ELAVL4: variants seen among roughly 807,000 people sequenced by gnomAD.
ELAVL4 encodes the protein ELAV like RNA binding protein 4, also known as ELAV-like protein 4.
A neutral mutation model predicts 35.6 loss-of-function variants in ELAVL4; 1 was observed. That is an observed-to-expected ratio of 0.03 (90% CI 0.01 to 0.13). ELAVL4 has a LOEUF of 0.13. Among genes scored for constraint, ELAVL4 ranks in the 10% least tolerant of loss-of-function variants. ELAVL4 has a pLI of 1.00. For missense variants in ELAVL4, 267 were observed against 464.9 expected (o/e 0.57, Z 3.91); for synonymous variants, 156 against 171.0 (o/e 0.91, Z 0.69).
intron 1 of ELAVL4, among the ~76,000 whole-genome samples, chr1:50,056,718 C>T (rs1403651693): frequency 2.0e-5 from 3 of 152,164 alleles, no homozygotes; most frequent in South Asian, 2.1e-4. Flanking sequence ...AGGCGGATCA[C>T]GAGGTCAGAT....
At chr1:50,127,821 T>C (rs1670200220) in intron 1 of ELAVL4, among the ~76,000 whole-genome samples, 1 of 152,188 alleles carries the variant, frequency 6.6e-6, no homozygotes, top group Non-Finnish European at 1.5e-5. Context: ...TAGTGACTGT[T>C]TTCTTAACTA....
chr1:50,062,060 A>G (rs1664008984), intron 1 of ELAVL4, among the ~76,000 whole-genome samples: 1 of 152,152 alleles, frequency 6.6e-6, no homozygotes, highest in Admixed American at 6.5e-5. Context: ...AGTGTTCTTC[A>G]TCATGTTTTT....
chr1:50,082,799 C>T lies in ELAVL4; in HGVS notation c.18+34617C>T, dbSNP rs142644877. On this transcript the variant is annotated intron_variant, in intron 1 of 6. Transcript: ENST00000448907. ...AGGCATTTGATCTATAACTATGGAA[C>T]AGACTTTCTTTCCTGTCTCCTTTCC... Among the ~76,000 whole-genome samples the T allele has an allele frequency of 1.4e-3, 206 of 152,268 alleles. 1 individual carries two copies. Among genetic ancestry groups the T allele is most frequent in the African/African-American group, 4.3e-3 (178 of 41,554 alleles).
At chr1:50,150,523 G>A (rs1403885687) in intron 2 of ELAVL4, among the ~76,000 whole-genome samples, 1 of 152,184 alleles carries the variant, frequency 6.6e-6, no homozygotes, top group Non-Finnish European at 1.5e-5. Context: ...CTCAGTAGGT[G>A]AGATGTGGGA....
intron 1 of ELAVL4, among the ~76,000 whole-genome samples, chr1:50,131,194 T>G (rs934721572): frequency 2.0e-5 from 3 of 152,162 alleles, no homozygotes; most frequent in African/African-American, 7.2e-5. Context: ...AGGGACATAG[T>G]AAATTAATTC....
At chr1:50,169,086 C>A (rs1678522375) in intron 2 of ELAVL4, among the ~76,000 whole-genome samples, 1 of 151,924 alleles carries the variant, frequency 6.6e-6, no homozygotes, top group Non-Finnish European at 1.5e-5. Flanking sequence ...GAGAGCCAGT[C>A]TGAGTCAAAG....
chr1:50,108,227 C>T (rs956437828), upstream of ELAVL4, among the ~76,000 whole-genome samples: 2 of 152,096 alleles, frequency 1.3e-5, no homozygotes, highest in African/African-American at 2.4e-5. Flanking sequence ...CCTCCCTTAC[C>T]CCCACCATTT....
intron 1 of ELAVL4, chr1:50,115,235 C>G (rs1667751246): frequency 6.6e-6 from 1 of 152,044 alleles, no homozygotes; most frequent in Non-Finnish European, 1.5e-5. Context: ...AATAAAGATC[C>G]CCCTCTACAA....
intron 1 of ELAVL4, among the ~76,000 whole-genome samples, chr1:50,120,935 G>T (rs979912898): frequency 1.3e-5 from 2 of 152,134 alleles, no homozygotes; most frequent in African/African-American, 4.8e-5. Context: ...GTATAAAAAT[G>T]TACCCACTTC....
chr1:50,169,808 A>C (rs1323434561), intron 2 of ELAVL4, among the ~76,000 whole-genome samples: 3 of 152,186 alleles, frequency 2.0e-5, no homozygotes, highest in Admixed American at 6.6e-5. Flanking sequence ...AATCAATTTC[A>C]ACTTCCTCTC....
intron 2 of ELAVL4, among the ~76,000 whole-genome samples, chr1:50,148,375 A>AAGAC (rs1161460125): frequency 6.6e-6 from 1 of 152,188 alleles, no homozygotes; most frequent in Admixed American, 6.5e-5. Flanking sequence ...GGCTTTAAAC[A>AAGAC]AGACTCATGT....
chr1:50,178,356 C>T (rs1314579004), intron 3 of ELAVL4, among the ~76,000 whole-genome samples: 1 of 152,230 alleles, frequency 6.6e-6, no homozygotes, highest in Non-Finnish European at 1.5e-5. Flanking sequence ...TTCCAACATC[C>T]AGCCTGATAG....
chr1:50,073,532 G>T (rs1340276018), intron 1 of ELAVL4, among the ~76,000 whole-genome samples: 1 of 151,668 alleles, frequency 6.6e-6, no homozygotes, highest in Non-Finnish European at 1.5e-5. Flanking sequence ...ATAAGGATTC[G>T]AGTAAAATGC....
upstream of ELAVL4, chr1:50,103,810 A>T: frequency 8.4e-7 from 1 of 1,185,152 alleles, no homozygotes; most frequent in Non-Finnish European, 1.2e-6. Flanking sequence ...CCATTTTGCT[A>T]ATTCAATTGA....
chr1:50,058,097 C>A (rs924017904), intron 1 of ELAVL4, among the ~76,000 whole-genome samples: 2 of 152,074 alleles, frequency 1.3e-5, no homozygotes, highest in South Asian at 4.1e-4. Context: ...AACCAGTCCA[C>A]GGGGGGAAGT....
chr1:50,108,485 G>T (rs942944207), upstream of ELAVL4, among the ~76,000 whole-genome samples: 1 of 152,004 alleles, frequency 6.6e-6, no homozygotes, highest in Non-Finnish European at 1.5e-5. Flanking sequence ...TATGCATTTC[G>T]CTAGAAAGCA....
At chr1:50,185,732 A>G (rs766087168) in intron 3 of ELAVL4, among the ~76,000 whole-genome samples, 1 of 151,930 alleles carries the variant, frequency 6.6e-6, no homozygotes, top group African/African-American at 2.4e-5. Flanking sequence ...AGAGGGGGGG[A>G]CTTTTTTCCA....
At chr1:50,077,178 C>T (rs1664801579) in intron 1 of ELAVL4, among the ~76,000 whole-genome samples, 2 of 152,102 alleles carry the variant, frequency 1.3e-5, no homozygotes, top group African/African-American at 2.4e-5. Flanking sequence ...TAAGTAGATA[C>T]ATGTGTATAT....
intron 3 of ELAVL4, among the ~76,000 whole-genome samples, chr1:50,178,084 C>T (rs1027981596): frequency 3.9e-5 from 6 of 152,174 alleles, no homozygotes; most frequent in Admixed American, 1.3e-4. Context: ...GCCTCCTCCT[C>T]GGCCTTCCTT....
Sources: gnomAD v4.1 joint callset for allele counts (sites outside exome capture counted in the v4.1 genomes callset) on GRCh38, gnomAD v4.1.1 for gene constraint, MANE v1.5 for transcripts, NCBI Gene and HGNC (gene_info 2026-07-23, HGNC 2026-07-21) for gene names.